Variants in MAPK10 observed in about 807,000 individuals in gnomAD.
The protein encoded by MAPK10 is mitogen-activated protein kinase 10.
MAPK10 carries 25 observed loss-of-function variants against 59.3 expected under a neutral mutation model. The ratio of observed to expected loss-of-function variants is 0.42; its 90% CI spans 0.31 to 0.59. The LOEUF (loss-of-function observed/expected upper bound fraction) is 0.59. Ranked by LOEUF, MAPK10 falls within the 20% of genes least tolerant of loss-of-function variation. The probability of loss-of-function intolerance (pLI) is 0.15; values close to 1 mark genes in which losing one functional copy is unlikely to be tolerated. For synonymous variants in MAPK10, 190 were observed against 200.5 expected (o/e 0.95, Z 0.44); for missense variants, 351 against 568.9 (o/e 0.62, Z 3.90).
intron 1 of MAPK10, among the ~76,000 whole-genome samples, chr4:86,372,520 AAAAGAAAGAAAGAAAGAAAG>A (rs71598410): frequency 1.1e-5 from 1 of 90,006 alleles, no homozygotes; most frequent in African/African-American, 5.4e-5. Context: ...CATCTCAAAC[AAAAGAAAGAAAGAAAGAAAG>A]AAAGAAAGAA....
At chr4:86,046,474 T>G (rs2042524217) in intron 11 of MAPK10, among the ~76,000 whole-genome samples, 1 of 150,824 alleles carries the variant, frequency 6.6e-6, no homozygotes, top group South Asian at 2.1e-4. Context: ...TTTGAGATTT[T>G]GGGCTGAGAC....
At chr4:86,429,520 C>T (rs1230029639) in intron 1 of MAPK10, among the ~76,000 whole-genome samples, 4 of 152,014 alleles carry the variant, frequency 2.6e-5, no homozygotes, top group African/African-American at 9.7e-5. Flanking sequence ...AAATATAAAA[C>T]AGGCAGGGCA....
chr4:86,076,450 A>G (rs1218420173), intron 9 of MAPK10, among the ~76,000 whole-genome samples: 2 of 152,098 alleles, frequency 1.3e-5, no homozygotes, highest in African/African-American at 4.8e-5. Flanking sequence ...CAATTAACCT[A>G]ACATAAACGA....
chr4:86,478,434 G>A (rs1332147646), intron 1 of MAPK10, among the ~76,000 whole-genome samples: 1 of 152,190 alleles, frequency 6.6e-6, no homozygotes. Context: ...CCTCAAGTCT[G>A]TGTGCAGTGG....
chr4:86,438,174 A>G (rs557450084), intron 1 of MAPK10, among the ~76,000 whole-genome samples: 2 of 152,266 alleles, frequency 1.3e-5, no homozygotes, highest in South Asian at 4.2e-4. Context: ...CTGGGTGGCA[A>G]TTTCGCTTAC....
intron 2 of MAPK10, among the ~76,000 whole-genome samples, chr4:86,210,942 G>GA (rs1199049979): frequency 1.3e-5 from 2 of 151,260 alleles, no homozygotes; most frequent in East Asian, 1.9e-4. Flanking sequence ...GAAGTGAAGT[G>GA]AAAAAAAATT....
At chr4:86,082,887 A>G (rs967202883) in intron 9 of MAPK10, among the ~76,000 whole-genome samples, 1 of 152,140 alleles carries the variant, frequency 6.6e-6, no homozygotes, top group Admixed American at 6.5e-5. Flanking sequence ...GTTGCACTGC[A>G]CTTTCATTGG....
intron 2 of MAPK10, among the ~76,000 whole-genome samples, chr4:86,283,238 T>C (rs2094881885): frequency 6.6e-6 from 1 of 152,176 alleles, no homozygotes; most frequent in South Asian, 2.1e-4. Flanking sequence ...TGGAAAGCCA[T>C]GTAGAATATG....
Position 86,012,559 on chromosome 4 carries a change from A to G in MAPK10, c.*4669T>C, listed in dbSNP as rs924824290. ...AGAAATCATAATATATTGACTCCAT[A>G]TTACCTAAAAAGAGTCAAAAGAAGC... On this transcript the variant is annotated 3_prime_UTR_variant, in exon 14 of 14. Transcript: ENST00000641462. 6.6e-6 allele frequency: 1 copy of G among 152,196 alleles called. No homozygotes were observed. The highest frequency in any genetic ancestry group is 2.1e-4 in the South Asian group (1 of 4,830). 9.4% of individuals were successfully genotyped at this position (152,196 alleles called of 1,614,324 possible). A position where few individuals can be genotyped will look rare whatever the true frequency, so the allele number is the denominator to read the frequency against.
intron 2 of MAPK10, among the ~76,000 whole-genome samples, chr4:86,199,114 G>A (rs548536214): frequency 1.5e-4 from 23 of 151,992 alleles, no homozygotes; most frequent in Non-Finnish European, 3.1e-4. Flanking sequence ...AAATTTAGAG[G>A]GAAAATGCCA....
chr4:86,331,581 G>C (rs185978823), intron 2 of MAPK10, among the ~76,000 whole-genome samples: 1 of 152,036 alleles, frequency 6.6e-6, no homozygotes, highest in African/African-American at 2.4e-5. Flanking sequence ...TGTGAGCAGC[G>C]CACCATGAGA....
rs1743883270 is a variant in MAPK10, at chr4:86,017,513, A to T, written c.1253-143T>A. The T allele has an allele frequency of 1.3e-6, 1 of 763,348 alleles. No homozygotes were observed. The allele number at this position is 763,348 out of a possible 1,614,324, so 47.3% of individuals were successfully genotyped here. ...GGCAAGCCTTTATAGAGCAGCTGAC[A>T]TAGGGGAGCATATCAAATGGTGACA... On this transcript the variant is annotated intron_variant, in intron 13 of 13. Coordinates refer to ENST00000641462, the MANE Select transcript of MAPK10 (RefSeq NM_138982.4). The surrounding 1 kb of genome is among the most constrained non-coding windows in gnomAD (Gnocchi z 4.4).
At chr4:86,439,678 G>C (rs573049727) in intron 1 of MAPK10, among the ~76,000 whole-genome samples, 9 of 152,302 alleles carry the variant, frequency 5.9e-5, no homozygotes, top group African/African-American at 1.7e-4. Context: ...GACGGTTTTT[G>C]AAAGTGTCTG....
chr4:86,347,354 A>G (rs2148953288), intron 2 of MAPK10, among the ~76,000 whole-genome samples: 1 of 152,282 alleles, frequency 6.6e-6, no homozygotes, highest in Middle Eastern at 3.4e-3. Context: ...ATTTTTGCAG[A>G]TGCTTACTCA....
At chr4:86,576,885 T>TA (rs576656749) in intron 1 of MAPK10, among the ~76,000 whole-genome samples, 4 of 152,174 alleles carry the variant, frequency 2.6e-5, no homozygotes, top group Non-Finnish European at 5.9e-5. Context: ...GAAAACAATT[T>TA]ACATTTAAAA....
intron 4 of MAPK10, among the ~76,000 whole-genome samples, chr4:86,112,194 T>C (rs2057600801): frequency 6.6e-6 from 1 of 151,978 alleles, no homozygotes; most frequent in Non-Finnish European, 1.5e-5. Flanking sequence ...TGTGAAGGAT[T>C]TTTCGTGTCT....
At chr4:86,180,284 G>A (rs2076601416) in intron 3 of MAPK10, among the ~76,000 whole-genome samples, 2 of 151,820 alleles carry the variant, frequency 1.3e-5, no homozygotes, top group Non-Finnish European at 2.9e-5. Context: ...ACATTGATGT[G>A]TTATTCTACC....
intron 1 of MAPK10, among the ~76,000 whole-genome samples, chr4:86,593,427 C>T (rs1396235181): frequency 6.6e-6 from 1 of 152,192 alleles, no homozygotes; most frequent in Admixed American, 6.5e-5. Flanking sequence ...ATGAATTCAG[C>T]AAGACTCTCT....
intron 13 of MAPK10, among the ~76,000 whole-genome samples, chr4:86,019,421 G>A (rs1745171398): frequency 6.6e-6 from 1 of 152,118 alleles, no homozygotes; most frequent in African/African-American, 2.4e-5. Flanking sequence ...TCAGGACAAT[G>A]TATAAAGTTA....
Sources: allele counts gnomAD v4.1 joint callset (sites outside exome capture counted in the v4.1 genomes callset), GRCh38; gene constraint gnomAD v4.1.1; non-coding constraint Gnocchi (gnomAD v3.1); transcripts MANE v1.5; gene names NCBI Gene and HGNC (gene_info 2026-07-23, HGNC 2026-07-21).